Variants in PTPRG observed in about 807,000 individuals in gnomAD.
The protein encoded by PTPRG is protein tyrosine phosphatase receptor type G.
In PTPRG, 102 loss-of-function variants were observed where a neutral mutation model predicts 165.3. That is an observed-to-expected ratio of 0.62 (90% CI 0.53 to 0.73). The LOEUF is 0.73. Among genes scored for constraint, PTPRG ranks in the 30% least tolerant of loss-of-function variants. The pLI, the probability that PTPRG is intolerant of heterozygous loss-of-function variation, is 0.00. For missense variants in PTPRG, 1,866 were observed against 1,861.4 expected, an observed-to-expected ratio of 1.00 and a Z score of -0.05; for synonymous variants, 675 against 669.5, an observed-to-expected ratio of 1.01 and a Z score of -0.13.
intron 2 of PTPRG, among the ~76,000 whole-genome samples, chr3:61,841,579 A>G (rs1010572713): frequency 6.6e-6 from 1 of 151,892 alleles, no homozygotes; most frequent in Non-Finnish European, 1.5e-5. Context: ...GCCCTCGTCC[A>G]CCACCACCCC....
chr3:62,221,119 C>A (rs1245344905), intron 13 of PTPRG, among the ~76,000 whole-genome samples: 3 of 152,172 alleles, frequency 2.0e-5, no homozygotes, highest in Non-Finnish European at 4.4e-5. Flanking sequence ...TGTATTTTCC[C>A]TTTAGAAAAT....
At chr3:62,153,822 C>T (rs1184675966) in intron 6 of PTPRG, among the ~76,000 whole-genome samples, 1 of 152,136 alleles carries the variant, frequency 6.6e-6, no homozygotes, top group Non-Finnish European at 1.5e-5. Context: ...GGTATTTGAA[C>T]CTGGGCAGGC....
chr3:62,244,642 C>T (rs1701250231), intron 15 of PTPRG, among the ~76,000 whole-genome samples: 1 of 152,076 alleles, frequency 6.6e-6, no homozygotes, highest in Admixed American at 6.5e-5. Context: ...ATAATGCCAC[C>T]CCTCCTCCAC....
At chr3:62,069,838 T>C (rs1361658112) in intron 4 of PTPRG, among the ~76,000 whole-genome samples, 1 of 152,178 alleles carries the variant, frequency 6.6e-6, no homozygotes, top group Non-Finnish European at 1.5e-5. Flanking sequence ...TGTTGCAGTG[T>C]AGAGGCAGAA....
At chr3:62,223,985 G>A (rs1376776663) in intron 13 of PTPRG, among the ~76,000 whole-genome samples, 2 of 152,166 alleles carry the variant, frequency 1.3e-5, no homozygotes, top group African/African-American at 4.8e-5. Context: ...AAACTCATCT[G>A]TTTAGAGCTA....
chr3:61,716,559 T>C (rs2031816910), intron 1 of PTPRG, among the ~76,000 whole-genome samples: 1 of 152,210 alleles, frequency 6.6e-6, no homozygotes, highest in South Asian at 2.1e-4. Context: ...CGTACTCTTT[T>C]TTTCTCTCAT....
chr3:62,168,642 G>A (rs926931695), intron 8 of PTPRG, among the ~76,000 whole-genome samples: 33 of 152,168 alleles, frequency 2.2e-4, no homozygotes, highest in African/African-American at 7.7e-4. Context: ...AAGGGAGGGG[G>A]AGCACACAGA....
chr3:61,879,538 G>C (rs1575746914), intron 2 of PTPRG, among the ~76,000 whole-genome samples: 1 of 152,034 alleles, frequency 6.6e-6, no homozygotes, highest in Non-Finnish European at 1.5e-5. Context: ...TCCAAAAACT[G>C]AATTTTATTC....
intron 17 of PTPRG, among the ~76,000 whole-genome samples, chr3:62,265,485 C>G (rs1701834077): frequency 1.3e-5 from 2 of 152,128 alleles, no homozygotes; most frequent in South Asian, 2.1e-4. Context: ...CTGAATCCGT[C>G]TTTTCTAGTA....
chr3:62,167,034 T>C (rs1016282560), intron 7 of PTPRG, among the ~76,000 whole-genome samples: 1 of 152,152 alleles, frequency 6.6e-6, no homozygotes, highest in African/African-American at 2.4e-5. Context: ...CTGATTTTTT[T>C]CCTTTACTTT....
chr3:62,202,120 A>T (rs1700108806), intron 11 of PTPRG, among the ~76,000 whole-genome samples: 1 of 152,164 alleles, frequency 6.6e-6, no homozygotes, highest in African/African-American at 2.4e-5. Context: ...CGTTTTACAG[A>T]TGAGGAAACC....
intron 2 of PTPRG, among the ~76,000 whole-genome samples, chr3:61,943,034 G>T (rs945786985): frequency 6.6e-6 from 1 of 152,112 alleles, no homozygotes; most frequent in Non-Finnish European, 1.5e-5. Flanking sequence ...GGGACTTTAC[G>T]CCAGGTATGC....
intron 2 of PTPRG, among the ~76,000 whole-genome samples, chr3:61,799,099 A>T (rs1460013228): frequency 6.6e-6 from 1 of 152,122 alleles, no homozygotes; most frequent in Non-Finnish European, 1.5e-5. Context: ...ATGAAATACT[A>T]TTATGATAAT....
intron 2 of PTPRG, among the ~76,000 whole-genome samples, chr3:61,902,295 T>A (rs2038518851): frequency 6.6e-6 from 1 of 152,220 alleles, no homozygotes; most frequent in South Asian, 2.1e-4. Context: ...GAGAACATGC[T>A]GAGAGCTACT....
intron 2 of PTPRG, among the ~76,000 whole-genome samples, chr3:61,836,465 T>C (rs147268906): frequency 3.5e-4 from 54 of 152,318 alleles, no homozygotes; most frequent in African/African-American, 1.3e-3. Flanking sequence ...TCCTGTCTCC[T>C]GGAGGCCAGC....
chr3:62,164,821 C>G (rs1360754986), intron 7 of PTPRG, among the ~76,000 whole-genome samples: 4 of 152,174 alleles, frequency 2.6e-5, no homozygotes, highest in Non-Finnish European at 2.9e-5. Context: ...AATGCTGGCT[C>G]TGAAAGAAGC....
chr3:61,643,088 A>G (rs775486993), intron 1 of PTPRG, among the ~76,000 whole-genome samples: 15 of 152,218 alleles, frequency 9.9e-5, no homozygotes, highest in Non-Finnish European at 2.9e-5. Flanking sequence ...TTCTTTAACA[A>G]ATAAATTACA....
intron 1 of PTPRG, among the ~76,000 whole-genome samples, chr3:61,731,331 A>C (rs1395107234): frequency 5.3e-5 from 8 of 150,380 alleles, no homozygotes; most frequent in African/African-American, 2.0e-4. Flanking sequence ...GAGACACAGA[A>C]GCTCACTTTC....
At chr3:62,019,069 T>G (rs955121887) in intron 4 of PTPRG, among the ~76,000 whole-genome samples, 4 of 152,210 alleles carry the variant, frequency 2.6e-5, no homozygotes, top group African/African-American at 9.6e-5. Context: ...TGGTTACAGC[T>G]GGGGCCTCAG....
Sources: gnomAD v4.1 joint callset for allele counts (sites outside exome capture counted in the v4.1 genomes callset) on GRCh38, gnomAD v4.1.1 for gene constraint, MANE v1.5 for transcripts, NCBI Gene and HGNC (gene_info 2026-07-23, HGNC 2026-07-21) for gene names.